The following CREB1 variants were observed in gnomAD, a reference collection of about 807,000 sequenced individuals.
CREB1 encodes the protein cyclic AMP-responsive element-binding protein 1.
A neutral mutation model predicts 42.0 loss-of-function variants in CREB1; 2 were observed. The observed-to-expected ratio is 0.05, with a 90% CI of 0.02 to 0.15. CREB1 has a LOEUF of 0.15. Among genes scored for constraint, CREB1 ranks in the 10% least tolerant of loss-of-function variants. CREB1 has a pLI of 1.00. For missense variants in CREB1, 199 were observed against 388.9 expected (o/e 0.51, Z 4.11); for synonymous variants, 123 against 139.9 (o/e 0.88, Z 0.85).
chr2:207,560,742 C>T (rs2081926688), intron 3 of CREB1, among the ~76,000 whole-genome samples: 1 of 151,926 alleles, frequency 6.6e-6, no homozygotes, highest in African/African-American at 2.4e-5. Flanking sequence ...AAAAATATAC[C>T]CTTGATCAAA....
chr2:207,559,214 C>A, intron 2 of CREB1: 1 of 695,478 alleles, frequency 1.4e-6, no homozygotes, highest in Non-Finnish European at 1.8e-6. Flanking sequence ...TTTGCTTTTG[C>A]CACTACTCCA....
At chr2:207,585,967 G>A (rs1372968140) in intron 7 of CREB1, among the ~76,000 whole-genome samples, 1 of 152,126 alleles carries the variant, frequency 6.6e-6, no homozygotes. Flanking sequence ...AATAATCACT[G>A]AAGACCTCCC....
intron 1 of CREB1, among the ~76,000 whole-genome samples, chr2:207,531,276 C>T (rs1270365575): frequency 6.6e-6 from 1 of 152,132 alleles, no homozygotes; most frequent in East Asian, 1.9e-4. Flanking sequence ...GTCCCACTCC[C>T]CCTACCATAT....
Position 207,575,427 on chromosome 2 carries a change from G to T in CREB1, c.661G>T (p.Val221Leu). The T allele has an allele frequency of 6.2e-7, 1 of 1,612,566 alleles. No homozygotes were observed. The highest frequency in any genetic ancestry group is 8.5e-7 in the Non-Finnish European group (1 of 1,178,968). The change falls in exon 6 of 8, where the codon GTG becomes TTG. Residue 221 changes from valine to leucine, a missense_variant. Val to Leu is a conservative substitution (Grantham distance 32). Around this residue, in one of 4 missense-constraint regions of CREB1, gnomAD observed 66 missense variants for 88.1 expected, o/e 0.75. Coordinates refer to ENST00000353267, the MANE Select transcript of CREB1 (RefSeq NM_004379.5). ...AQTTDGQQILVPSNQVVVQAA... is the reference protein window; with the variant it reads ...AQTTDGQQILLPSNQVVVQAA... The stretch of plus-strand genomic sequence containing the variant: ...GACCACTGATGGACAGCAGATCTTA[G>T]TGCCCAGCAACCAAGTTGTTGTTCA...
intron 4 of CREB1, among the ~76,000 whole-genome samples, chr2:207,569,220 G>C (rs2082257347): frequency 6.6e-6 from 1 of 151,976 alleles, no homozygotes. Flanking sequence ...GTATTTTGCA[G>C]TTACAAACAG....
chr2:207,553,377 C>T (rs2709399), intron 1 of CREB1, among the ~76,000 whole-genome samples: 23,697 of 151,980 alleles, frequency 0.16, 2,033 homozygotes, highest in Middle Eastern at 0.21. Context: ...CCCAGGTAAA[C>T]TTTTGTTGTT....
At chr2:207,571,487 T>C (rs1416404376) in intron 5 of CREB1, among the ~76,000 whole-genome samples, 1 of 152,210 alleles carries the variant, frequency 6.6e-6, no homozygotes, top group African/African-American at 2.4e-5. Flanking sequence ...CTGCCAAGGC[T>C]GAAACTTTTG....
chr2:207,586,991 T>G (rs2083964205), intron 7 of CREB1, among the ~76,000 whole-genome samples: 1 of 152,230 alleles, frequency 6.6e-6, no homozygotes, highest in African/African-American at 2.4e-5. Context: ...ACACTGATGA[T>G]GCAGAGAAAG....
chr2:207,536,041 G>A (rs1276026733), intron 1 of CREB1, among the ~76,000 whole-genome samples: 1 of 151,942 alleles, frequency 6.6e-6, no homozygotes, highest in African/African-American at 2.4e-5. Context: ...TCAAACTCAT[G>A]AGCTCAAGCC....
intron 2 of CREB1, chr2:207,559,183 C>A: frequency 6.8e-6 from 2 of 295,688 alleles, no homozygotes; most frequent in Non-Finnish European, 1.0e-5. Context: ...TTATCCCACT[C>A]TGCCATGTGT....
intron 1 of CREB1, among the ~76,000 whole-genome samples, chr2:207,543,667 A>C (rs539829820): frequency 6.6e-6 from 1 of 152,028 alleles, no homozygotes. Context: ...CAGTGGTGCT[A>C]TCTTGGCTCA....
chr2:207,554,427 G>T (rs1559277956), intron 1 of CREB1, among the ~76,000 whole-genome samples: 3 of 152,108 alleles, frequency 2.0e-5, no homozygotes, highest in Non-Finnish European at 4.4e-5. Context: ...TGGGCTTTTT[G>T]TGTTGTTTGT....
chr2:207,582,711 T>C (rs977614664), intron 7 of CREB1, among the ~76,000 whole-genome samples: 67 of 152,188 alleles, frequency 4.4e-4, no homozygotes, highest in African/African-American at 1.6e-3. Flanking sequence ...GTGGCCAATA[T>C]GGTGAAACCC....
intron 1 of CREB1, among the ~76,000 whole-genome samples, chr2:207,553,598 A>G (rs2081601325): frequency 6.6e-6 from 1 of 152,246 alleles, no homozygotes; most frequent in Non-Finnish European, 1.5e-5. Flanking sequence ...CATATAAAAA[A>G]GTATCTGGTG....
chr2:207,591,133 C>T (rs879611945), intron 7 of CREB1, among the ~76,000 whole-genome samples: 4 of 152,270 alleles, frequency 2.6e-5, no homozygotes, highest in Non-Finnish European at 5.9e-5. Context: ...TTATGTCATT[C>T]AGGTGTACTG....
At chr2:207,596,798 A>T in intron 7 of CREB1, 116 bp from the exon 8 acceptor site, 1 of 1,177,574 alleles carries the variant, frequency 8.5e-7, no homozygotes, top group Non-Finnish European at 1.2e-6. Context: ...TGCTTAATAT[A>T]TACTAAAATG....
At chr2:207,535,233 A>G (rs1181619718) in intron 1 of CREB1, among the ~76,000 whole-genome samples, 1 of 152,224 alleles carries the variant, frequency 6.6e-6, no homozygotes, top group African/African-American at 2.4e-5. Context: ...AGTTTTAGTA[A>G]AATGATCAAA....
At chr2:207,575,228 TATATG>T in intron 5 of CREB1, 39 bp from the exon 6 acceptor site, 1 of 1,559,270 alleles carries the variant, frequency 6.4e-7, no homozygotes, top group Non-Finnish European at 8.8e-7. Flanking sequence ...TTAAAAGTCT[TATATG>T]GTATTAAACT....
intron 7 of CREB1, among the ~76,000 whole-genome samples, chr2:207,584,893 T>A (rs531586467): frequency 6.6e-6 from 1 of 152,240 alleles, no homozygotes; most frequent in Non-Finnish European, 1.5e-5. Flanking sequence ...TTATCTATCT[T>A]TTGCAGAGCA....
Sources: allele counts gnomAD v4.1 joint callset (sites outside exome capture counted in the v4.1 genomes callset), GRCh38; gene constraint gnomAD v4.1.1; regional missense constraint gnomAD v4.1.1; transcripts MANE v1.5; gene names NCBI Gene and HGNC (gene_info 2026-07-23, HGNC 2026-07-21).